MBTD1: variants seen among roughly 807,000 people sequenced by gnomAD.
MBTD1 encodes MBT domain-containing protein 1.
A neutral mutation model predicts 87.8 loss-of-function variants in MBTD1; 24 were observed. The observed-to-expected ratio is 0.27, with a 90% CI of 0.20 to 0.38. The LOEUF is 0.38. Ranked by LOEUF, MBTD1 falls within the 10% of genes least tolerant of loss-of-function variation. The probability of loss-of-function intolerance (pLI) is 1.00; values close to 1 mark genes in which losing one functional copy is unlikely to be tolerated. For missense variants in MBTD1, 436 were observed against 760.2 expected (o/e 0.57, Z 5.02); for synonymous variants, 237 against 248.6 (o/e 0.95, Z 0.44).
intron 2 of MBTD1, among the ~76,000 whole-genome samples, chr17:51,228,993 C>T (rs2053404202): frequency 6.6e-6 from 1 of 150,994 alleles, no homozygotes; most frequent in African/African-American, 2.4e-5. Context: ...GTCCCTAAAC[C>T]TAACAAACAA....
intron 4 of MBTD1, among the ~76,000 whole-genome samples, 163 bp from the exon 5 acceptor site, chr17:51,219,207 C>T (rs1271454051): frequency 6.6e-6 from 1 of 152,054 alleles, no homozygotes; most frequent in Non-Finnish European, 1.5e-5. Flanking sequence ...GAATTTTTTT[C>T]TGGAGTTCTG....
chr17:51,213,623 A>C (rs2052388226), intron 6 of MBTD1, among the ~76,000 whole-genome samples: 1 of 152,306 alleles, frequency 6.6e-6, no homozygotes, highest in East Asian at 1.9e-4. Flanking sequence ...GCTACTCAAC[A>C]AAGTAGCAAG....
intron 2 of MBTD1, among the ~76,000 whole-genome samples, chr17:51,254,738 TA>T (rs879654897): frequency 6.6e-6 from 1 of 152,042 alleles, no homozygotes; most frequent in South Asian, 2.1e-4. Context: ...TATGATAAAA[TA>T]AAAAAATTCA....
rs546089020 is a variant in MBTD1, at chr17:51,211,139, A to T, written c.487-4134T>A. ...GTGACAGAGCAAGACTACATCTCAT[A>T]AAAAAAAAAGAAAAAAAAAAAAAGG... On this transcript the variant is annotated intron_variant, in intron 6 of 16. Transcript: ENST00000586178. Among the ~76,000 whole-genome samples the T allele has an allele frequency of 2.1e-4, 28 of 131,944 alleles. No homozygotes were observed. In the East Asian group the frequency reaches 5.2e-3, roughly 24 times the overall value. The allele number at this position is 131,944 out of a possible 152,430, so 86.6% of individuals were successfully genotyped here.
chr17:51,234,400 C>CAAAAAAAAAAA (rs71149356), intron 2 of MBTD1, among the ~76,000 whole-genome samples: 2 of 68,674 alleles, frequency 2.9e-5, no homozygotes, highest in Non-Finnish European at 5.5e-5. Context: ...TCCCCGTCTC[C>CAAAAAAAAAAA]AAAAAAAAAA....
At chr17:51,231,880 A>G (rs1030670969) in intron 2 of MBTD1, among the ~76,000 whole-genome samples, 4 of 151,596 alleles carry the variant, frequency 2.6e-5, no homozygotes, top group South Asian at 4.2e-4. Flanking sequence ...TTATATATAC[A>G]TTAGGATAGA....
intron 10 of MBTD1, 120 bp from the exon 11 acceptor site, chr17:51,202,197 C>T: frequency 1.5e-6 from 1 of 670,002 alleles, no homozygotes. Context: ...AGAAGACATG[C>T]CTTCTACATT....
intron 16 of MBTD1, chr17:51,186,068 T>G (rs909023681): frequency 6.6e-6 from 1 of 152,558 alleles, no homozygotes; most frequent in Non-Finnish European, 1.5e-5. Context: ...TGCTGGGAGG[T>G]GGGAAGGCCT....
intron 7 of MBTD1, among the ~76,000 whole-genome samples, chr17:51,204,499 A>T (rs1040849985): frequency 2.9e-4 from 42 of 146,636 alleles, no homozygotes; most frequent in African/African-American, 8.4e-4. Flanking sequence ...ATATATAATT[A>T]TATATATATA....
At chr17:51,209,668 T>C (rs1044520949) in intron 6 of MBTD1, among the ~76,000 whole-genome samples, 6 of 152,198 alleles carry the variant, frequency 3.9e-5, no homozygotes, top group Non-Finnish European at 7.3e-5. Context: ...GAGATACAGA[T>C]TTCCCTCTGC....
intron 16 of MBTD1, 36 bp from the exon 17 acceptor site, chr17:51,180,730 GCTCTCTAGAGTA>G: frequency 1.8e-6 from 2 of 1,103,330 alleles, no homozygotes; most frequent in Non-Finnish European, 2.7e-6. Flanking sequence ...GGGCATTAAG[GCTCTCTAGAGTA>G]CTCGGATTGC....
At chr17:51,235,058 G>C (rs1307606226) in intron 2 of MBTD1, among the ~76,000 whole-genome samples, 1 of 152,034 alleles carries the variant, frequency 6.6e-6, no homozygotes, top group Non-Finnish European at 1.5e-5. Flanking sequence ...ATTCTACTAG[G>C]CCAGTATCAC....
intron 2 of MBTD1, among the ~76,000 whole-genome samples, chr17:51,231,734 T>C (rs1319455903): frequency 1.3e-5 from 2 of 152,106 alleles, no homozygotes; most frequent in African/African-American, 4.8e-5. Flanking sequence ...AATGAATACC[T>C]GGACATACTC....
intron 12 of MBTD1, among the ~76,000 whole-genome samples, chr17:51,196,053 G>A (rs370942928): frequency 1.3e-5 from 2 of 152,050 alleles, no homozygotes; most frequent in African/African-American, 4.8e-5. Context: ...GACTACAGGT[G>A]CATGCCATCA....
intron 2 of MBTD1, among the ~76,000 whole-genome samples, chr17:51,239,961 A>G (rs2054070762): frequency 6.6e-6 from 1 of 152,158 alleles, no homozygotes; most frequent in Non-Finnish European, 1.5e-5. Context: ...CCTTTACAAG[A>G]TCTTCTTTTC....
Position 51,179,313 on chromosome 17 carries a change from A to G in MBTD1, c.*1263T>C, listed in dbSNP as rs1293408309. 2 of 150,784 alleles carry G rather than the reference A, an allele frequency of 1.3e-5. No homozygotes were observed. The highest frequency in any genetic ancestry group is 4.9e-5 in the African/African-American group (2 of 41,138). 9.3% of individuals were successfully genotyped at this position (150,784 alleles called of 1,614,324 possible). A position where few individuals can be genotyped will look rare whatever the true frequency, so the allele number is the denominator to read the frequency against. On this transcript the variant is annotated 3_prime_UTR_variant, in exon 17 of 17. Transcript: ENST00000586178. ...AACGCTAGAGCGCTCTCATTCAGTC[A>G]CAACTCAGTAGAAAGTTAGAAAATG... is the stretch of plus-strand genomic sequence containing the variant.
In MBTD1 at chr17:51,180,523, A is replaced by G; in HGVS notation, c.*53T>C. ...CCCCCTGTACAGCTGGATTGATTAT[A>G]AATCAGTCCTGTGTAAAATCCTTCC... On this transcript the variant is annotated 3_prime_UTR_variant, in exon 17 of 17. Coordinates refer to ENST00000586178, the MANE Select transcript of MBTD1 (RefSeq NM_017643.3). The G allele has an allele frequency of 1.2e-6, 1 of 851,224 alleles. No individual in the cohort carries two copies. The highest frequency in any genetic ancestry group is 1.9e-6 in the Non-Finnish European group (1 of 531,826). The allele number at this position is 851,224 out of a possible 1,614,324, so 52.7% of individuals were successfully genotyped here. A position where few individuals can be genotyped will look rare whatever the true frequency, so the allele number is the denominator to read the frequency against.
intron 16 of MBTD1, chr17:51,186,524 C>A (rs887740850): frequency 1.3e-5 from 2 of 152,256 alleles, no homozygotes; most frequent in Non-Finnish European, 2.9e-5. Flanking sequence ...CGCCTGTAAT[C>A]CCAGCACTTT....
At chr17:51,228,766 A>G (rs1178404573) in intron 2 of MBTD1, among the ~76,000 whole-genome samples, 1 of 151,634 alleles carries the variant, frequency 6.6e-6, no homozygotes, top group Non-Finnish European at 1.5e-5. Context: ...GAGCAGTGGT[A>G]GGCGCCCGTA....
Sources: gnomAD v4.1 joint callset for allele counts (sites outside exome capture counted in the v4.1 genomes callset) on GRCh38, gnomAD v4.1.1 for gene constraint, MANE v1.5 for transcripts, NCBI Gene and HGNC (gene_info 2026-07-23, HGNC 2026-07-21) for gene names.